L3MBTL2: variants seen among roughly 807,000 people sequenced by gnomAD.
L3MBTL2 encodes L3MBTL histone methyl-lysine binding protein 2.
In L3MBTL2, 49 loss-of-function variants were observed where a neutral mutation model predicts 86.4. That is an observed-to-expected ratio of 0.57 (90% CI 0.45 to 0.72). L3MBTL2 has a LOEUF of 0.72. Ranked by LOEUF, L3MBTL2 falls within the 30% of genes least tolerant of loss-of-function variation. L3MBTL2 has a pLI of 0.00. For missense variants in L3MBTL2, 755 were observed against 923.7 expected (o/e 0.82, Z 2.37); for synonymous variants, 336 against 350.6 (o/e 0.96, Z 0.47).
chr22:41,226,167 C>T (rs1200698278), intron 12 of L3MBTL2, among the ~76,000 whole-genome samples: 1 of 152,174 alleles, frequency 6.6e-6, no homozygotes, highest in African/African-American at 2.4e-5. Flanking sequence ...ATCCCAGCCA[C>T]TCGGGAGTCT....
At position 41,216,226 on chromosome 22, in the gene L3MBTL2, G is replaced by T; in HGVS notation, c.484G>T (p.Gly162Ter). 6.2e-7 allele frequency: 1 copy of T among 1,614,148 alleles called. No homozygotes were observed. The highest frequency in any genetic ancestry group is 8.5e-7 in the Non-Finnish European group (1 of 1,179,994). Reference sequence around the variant, plus strand: ...AGCCTTCCTCCACTCTCAAGGGACAGGACAGCTGGCAGATGGGACACCAAC... The same window carrying T: ...AGCCTTCCTCCACTCTCAAGGGACATGACAGCTGGCAGATGGGACACCAAC... ...IGAFLHSQGT[G>*]QLADGTPTGQ... is the part of the protein sequence containing the mutation. The change falls in exon 4 of 17, where the codon GGA becomes TGA. Residue 162 changes from glycine to a stop codon, truncating the protein, a stop_gained. Transcript: ENST00000216237. LOFTEE classifies it high-confidence loss of function.
intron 15 of L3MBTL2, chr22:41,228,537 G>T (rs1314193411): frequency 2.0e-6 from 2 of 985,412 alleles, no homozygotes; most frequent in Non-Finnish European, 2.4e-6. Context: ...CAGAAACAAG[G>T]TCCCTTGGGC....
intron 1 of L3MBTL2, chr22:41,208,385 C>T: frequency 2.3e-6 from 1 of 428,352 alleles, no homozygotes; most frequent in Non-Finnish European, 4.6e-6. Context: ...CTGCCTCAGC[C>T]TCCCAAAGTG....
intron 3 of L3MBTL2, chr22:41,214,569 G>A (rs1366644644): frequency 6.6e-6 from 1 of 152,258 alleles, no homozygotes; most frequent in African/African-American, 2.4e-5. Flanking sequence ...CATACCTAGT[G>A]TGGCTCTGTA....
In L3MBTL2 at chr22:41,224,284, G is replaced by A. The variant is rs756221379; in HGVS notation, c.1174+33G>A. 42 of 1,557,010 alleles carry A rather than the reference G, an allele frequency of 2.7e-5. No homozygotes were observed. Among genetic ancestry groups the A allele is most frequent in the Non-Finnish European group, 3.4e-5 (38 of 1,132,620 alleles). ...GAGCCCCAGGCCAGAGGGACTGCAT[G>A]CTGTGCTTCCCCAGGGACGGAGTGG... On this transcript the variant is annotated intron_variant, in intron 9 of 16. Coordinates refer to ENST00000216237, the MANE Select transcript of L3MBTL2 (RefSeq NM_031488.5). This position sits in a 1 kb window ranked among gnomAD's most constrained non-coding sequence, Gnocchi z 4.9.
At chr22:41,212,514 C>T (rs1465024392) in intron 2 of L3MBTL2, among the ~76,000 whole-genome samples, 3 of 151,690 alleles carry the variant, frequency 2.0e-5, no homozygotes, top group African/African-American at 4.8e-5. Context: ...TCTCCTGCCC[C>T]AGCCTCCGGA....
At chr22:41,222,323 G>A (rs984603194) in intron 8 of L3MBTL2, among the ~76,000 whole-genome samples, 2 of 152,198 alleles carry the variant, frequency 1.3e-5, no homozygotes, top group African/African-American at 4.8e-5. Context: ...ATATAGCCTC[G>A]GTTCTGAGCC....
intron 13 of L3MBTL2, 129 bp from the exon 14 acceptor site, chr22:41,226,960 G>A: frequency 1.2e-6 from 1 of 830,362 alleles, no homozygotes; most frequent in Non-Finnish European, 1.9e-6. Flanking sequence ...TTGTCTAGAG[G>A]AAGCTGCCCC....
rs1484933979 is a variant in L3MBTL2 at position 41,224,835 on chromosome 22, G to A, written c.1251+34G>A. ...CAGCTCTTGGGCGCTTTTCCCCTCA[G>A]CCATGGGTCCATTCCGGGCCTGAGG... On this transcript the variant is annotated intron_variant, in intron 10 of 16. Transcript: ENST00000216237. This position sits in a 1 kb window ranked among gnomAD's most constrained non-coding sequence, Gnocchi z 4.9. 6.3e-7 allele frequency: 1 copy of A among 1,592,644 alleles called. No homozygotes were observed. The highest frequency in any genetic ancestry group is 8.6e-7 in the Non-Finnish European group (1 of 1,160,520).
rs1169053052 is a variant in L3MBTL2 at position 41,230,533 on chromosome 22, G to A, written c.*282G>A. The A allele has an allele frequency of 1.4e-5, 6 of 432,776 alleles. No individual in the cohort carries two copies. The highest frequency in any genetic ancestry group is 1.2e-4 in the South Asian group (4 of 34,048). 26.8% of individuals were successfully genotyped at this position (432,776 alleles called of 1,614,324 possible). ...CAGCCAGAGTTCCCAAAGCTGGAAC[G>A]CTAGCTGCCTGCTCTTCCTTAAGAT... On this transcript the variant is annotated 3_prime_UTR_variant, in exon 17 of 17. Coordinates refer to ENST00000216237, the MANE Select transcript of L3MBTL2 (RefSeq NM_031488.5).
intron 4 of L3MBTL2, among the ~76,000 whole-genome samples, chr22:41,216,816 A>G (rs908517617): frequency 6.6e-6 from 1 of 152,154 alleles, no homozygotes; most frequent in Non-Finnish European, 1.5e-5. Flanking sequence ...GGGCGGAGGG[A>G]GGAATTTAAG....
intron 2 of L3MBTL2, among the ~76,000 whole-genome samples, chr22:41,211,484 C>T (rs954337421): frequency 6.6e-6 from 1 of 151,818 alleles, no homozygotes; most frequent in African/African-American, 2.4e-5. Flanking sequence ...GGATTACAGG[C>T]ATGAGCCACC....
chr22:41,220,689 C>T (rs1342006278), intron 6 of L3MBTL2, 45 bp from the exon 7 acceptor site: 2 of 1,554,574 alleles, frequency 1.3e-6, no homozygotes. Context: ...AACATACCTT[C>T]CCCAGCTCAC....
intron 1 of L3MBTL2, chr22:41,206,270 G>A (rs1289020551): frequency 1.3e-5 from 2 of 151,844 alleles, no homozygotes; most frequent in African/African-American, 4.8e-5. Flanking sequence ...TTACAGGCAT[G>A]AGCCACTGCA....
At position 41,226,699 on chromosome 22, in the gene L3MBTL2, G is replaced by A. The variant is rs2145613465; in HGVS notation, c.1542G>A (p.Leu514=). 1 of 1,614,080 alleles carries A rather than the reference G, an allele frequency of 6.2e-7. No individual in the cohort carries two copies. Among genetic ancestry groups the A allele is most frequent in the African/African-American group, 1.3e-5 (1 of 75,064 alleles). ...AGACTTTCAACTGGGAGAACTACTT[G>A]GAGAAGACCAAGTCGAAAGCCGCTC... ...EAQTFNWENY[L]EKTKSKAAPS... is the part of the protein sequence containing the mutation. Residue 514 remains leucine (L), a synonymous_variant, in exon 13 of 17, where the codon TTG becomes TTA. Coordinates refer to ENST00000216237, the MANE Select transcript of L3MBTL2 (RefSeq NM_031488.5).
At chr22:41,205,410 G>A in intron 1 of L3MBTL2, 24 bp downstream of exon 1, 7 of 1,614,064 alleles carry the variant, frequency 4.3e-6, no homozygotes, top group Non-Finnish European at 5.9e-6. Flanking sequence ...GACTTAGCGT[G>A]ACTGGGAAAG....
At chr22:41,215,806 C>T (rs188879243) in intron 3 of L3MBTL2, among the ~76,000 whole-genome samples, 1 of 152,330 alleles carries the variant, frequency 6.6e-6, no homozygotes, top group East Asian at 1.9e-4. Context: ...CCCTGTGAGG[C>T]CCATTCTTTG....
intron 15 of L3MBTL2, 177 bp downstream of exon 15, chr22:41,228,046 T>G: frequency 2.0e-6 from 2 of 985,380 alleles, no homozygotes; most frequent in South Asian, 9.4e-5. Flanking sequence ...CCTACGGGCC[T>G]TTCACCCTGT....
intron 4 of L3MBTL2, 138 bp downstream of exon 4, chr22:41,216,400 G>A: frequency 2.0e-6 from 2 of 993,368 alleles, no homozygotes; most frequent in Non-Finnish European, 2.9e-6. Flanking sequence ...ACTGCGGATT[G>A]CATCTTCCTC....
Sources: gnomAD v4.1 joint callset for allele counts (sites outside exome capture counted in the v4.1 genomes callset) on GRCh38, gnomAD v4.1.1 for gene constraint, Gnocchi (gnomAD v3.1) non-coding constraint, MANE v1.5 for transcripts, NCBI Gene and HGNC (gene_info 2026-07-23, HGNC 2026-07-21) for gene names.